COL11A1: variants seen among roughly 807,000 people sequenced by gnomAD.
COL11A1 encodes the protein collagen type XI alpha 1 chain.
Under a neutral mutation model 265.2 loss-of-function variants are expected in COL11A1, and 74 were observed. The ratio of observed to expected loss-of-function variants is 0.28; its 90% CI spans 0.23 to 0.34. COL11A1 has a LOEUF of 0.34. Ranked by LOEUF, COL11A1 falls within the 10% of genes least tolerant of loss-of-function variation. The pLI is 1.00. For missense variants in COL11A1, 2,165 were observed against 2,263.6 expected (o/e 0.96, Z 0.88); for synonymous variants, 816 against 727.6 (o/e 1.12, Z -1.96).
At chr1:103,021,584 A>T in intron 9 of COL11A1, 123 bp downstream of exon 9, 1 of 717,314 alleles carries the variant, frequency 1.4e-6, no homozygotes, top group South Asian at 1.5e-5. Flanking sequence ...TTTGTGGTGA[A>T]TTGCAAACAT....
intron 4 of COL11A1, among the ~76,000 whole-genome samples, chr1:103,032,441 G>GA (rs1176560224): frequency 4.6e-5 from 7 of 152,002 alleles, no homozygotes; most frequent in Admixed American, 4.6e-4. Context: ...TGTGGGTGTA[G>GA]AAACACATAT....
At chr1:102,885,256 CT>C (rs1557772930) in intron 63 of COL11A1, among the ~76,000 whole-genome samples, 2 of 152,004 alleles carry the variant, frequency 1.3e-5, no homozygotes, top group Non-Finnish European at 2.9e-5. Flanking sequence ...ATATTTTTCT[CT>C]TGTTAACCTT....
intron 42 of COL11A1, among the ~76,000 whole-genome samples, chr1:102,944,917 G>T (rs1293528380): frequency 6.6e-6 from 1 of 151,856 alleles, no homozygotes; most frequent in African/African-American, 2.4e-5. Flanking sequence ...TCTTCTCCTA[G>T]TACACAGTAC....
At chr1:102,990,758 C>T (rs577319668) in intron 28 of COL11A1, among the ~76,000 whole-genome samples, 147 of 152,164 alleles carry the variant, frequency 9.7e-4, no homozygotes, top group Non-Finnish European at 1.7e-3. Context: ...GTGGGCCAGG[C>T]ACAGTGGCTC....
rs1415207050 is a variant in COL11A1, at chr1:103,108,296, A to AG, written c.-119dup. The AG allele has an allele frequency of 9.1e-6, 7 of 770,990 alleles. No individual in the cohort carries two copies. In the East Asian group the frequency reaches 1.1e-4, roughly 12 times the overall value. 47.8% of individuals were successfully genotyped at this position (770,990 alleles called of 1,614,324 possible). A position where few individuals can be genotyped will look rare whatever the true frequency, so the allele number is the denominator to read the frequency against. The stretch of plus-strand genomic sequence containing the variant: ...TGCTACACAGCCATTGGGGAGGGAG[A>AG]GGGGGAAAAAGTCAAAGGGCTTTTT... On this transcript the variant is annotated 5_prime_UTR_variant, in exon 1 of 67. Coordinates refer to ENST00000370096, the MANE Select transcript of COL11A1 (RefSeq NM_001854.4).
chr1:103,007,866 CAA>C (rs34520764), intron 15 of COL11A1, among the ~76,000 whole-genome samples: 10 of 97,104 alleles, frequency 1.0e-4, no homozygotes, highest in South Asian at 7.4e-4. Context: ...GACTCTGTCT[CAA>C]AAAAAAAAAA....
At chr1:103,026,000 A>G in intron 6 of COL11A1, 2 of 1,563,928 alleles carry the variant, frequency 1.3e-6, no homozygotes, top group Non-Finnish European at 1.8e-6. Context: ...ATAAACGAGG[A>G]GGGAAATATA....
At chr1:102,896,761 C>A (rs1652488614) in intron 57 of COL11A1, among the ~76,000 whole-genome samples, 1 of 152,116 alleles carries the variant, frequency 6.6e-6, no homozygotes, top group African/African-American at 2.4e-5. Flanking sequence ...AAGGAAATCT[C>A]CAGCATGGTG....
Position 103,015,648 on chromosome 1 carries a change from T to A in COL11A1, c.1488+20A>T, listed in dbSNP as rs1345633022. On this transcript the variant is annotated intron_variant, in intron 12 of 66. Transcript: ENST00000370096. The stretch of plus-strand genomic sequence containing the variant: ...ATGACAAGATATCAAGTCATCTCTA[T>A]AACATAAAAAAGAACATACCGGTAA... 6.4e-7 allele frequency: 1 copy of A among 1,563,200 alleles called. No individual in the cohort carries two copies. The highest frequency in any genetic ancestry group is 2.3e-5 in the East Asian group (1 of 44,116).
Position 102,924,053 on chromosome 1 carries a change from C to CAAAA in COL11A1, c.3601-668_3601-665dup, listed in dbSNP as rs577410207. Reference sequence around the variant, plus strand: ...TGAAACCCCGTCTCAACTAAAAATACAAAAAAAAAAAAAAAAAATTAGCCG... The same window carrying CAAAA: ...TGAAACCCCGTCTCAACTAAAAATACAAAAAAAAAAAAAAAAAAAAAATTAGCCG... On this transcript the variant is annotated intron_variant, in intron 46 of 66. Coordinates refer to ENST00000370096, the MANE Select transcript of COL11A1 (RefSeq NM_001854.4). Among the ~76,000 whole-genome samples, 250 of 106,770 alleles carry CAAAA rather than the reference C, an allele frequency of 2.3e-3. 3 individuals carry two copies. Among genetic ancestry groups the CAAAA allele is most frequent in the African/African-American group, 6.4e-3 (208 of 32,400 alleles). The allele number at this position is 106,770 out of a possible 152,430, so 70.0% of individuals were successfully genotyped here. A position where few individuals can be genotyped will look rare whatever the true frequency, so the allele number is the denominator to read the frequency against.
At chr1:102,917,775 T>C (rs934470676) in intron 49 of COL11A1, among the ~76,000 whole-genome samples, 1 of 151,834 alleles carries the variant, frequency 6.6e-6, no homozygotes, top group Non-Finnish European at 1.5e-5. Flanking sequence ...AATTTATGTA[T>C]GTGCTTTCTA....
intron 28 of COL11A1, among the ~76,000 whole-genome samples, chr1:102,990,353 TCCATTAGATAAATG>T (rs1262488154): frequency 6.6e-6 from 1 of 151,916 alleles, no homozygotes; most frequent in African/African-American, 2.4e-5. Context: ...TAAAATCATG[TCCATTAGATAAATG>T]CCTTCTAGCT....
At position 102,967,227 on chromosome 1, in the gene COL11A1, C is replaced by T. The variant is rs1364525875; in HGVS notation, c.2863-1687G>A. ...CCCACAAAACCAAACATAATAAATT[C>T]TTTTTTTTTTTTTTTTTTTTTTTTT... On this transcript the variant is annotated intron_variant, in intron 37 of 66. Transcript: ENST00000370096. Among the ~76,000 whole-genome samples the T allele has an allele frequency of 8.6e-3, 455 of 52,692 alleles. 1 individual carries two copies. The highest frequency in any genetic ancestry group is 0.025 in the South Asian group (23 of 924). 34.6% of individuals were successfully genotyped at this position (52,692 alleles called of 152,430 possible). A position where few individuals can be genotyped will look rare whatever the true frequency, so the allele number is the denominator to read the frequency against.
intron 1 of COL11A1, among the ~76,000 whole-genome samples, chr1:103,102,385 C>T (rs1026695433): frequency 2.6e-5 from 4 of 151,988 alleles, no homozygotes; most frequent in Non-Finnish European, 5.9e-5. Flanking sequence ...GGGAACATTG[C>T]AACTTTTTAT....
chr1:102,982,590 A>T (rs1472298857), intron 31 of COL11A1, among the ~76,000 whole-genome samples: 1 of 152,086 alleles, frequency 6.6e-6, no homozygotes, highest in Non-Finnish European at 1.5e-5. Context: ...CAGTGTCCTG[A>T]GTACAGCCAG....
At chr1:103,035,989 A>G (rs1284595737) in intron 4 of COL11A1, among the ~76,000 whole-genome samples, 2 of 152,048 alleles carry the variant, frequency 1.3e-5, no homozygotes, top group African/African-American at 2.4e-5. Context: ...CTGAATTGTT[A>G]TAAATGAAAA....
At chr1:102,962,895 T>A in intron 38 of COL11A1, 135 bp from the exon 39 acceptor site, 1 of 774,270 alleles carries the variant, frequency 1.3e-6, no homozygotes, top group Non-Finnish European at 2.2e-6. Flanking sequence ...TACAAAACAC[T>A]TCACATAAAG....
At chr1:103,064,809 T>C (rs1670966020) in intron 4 of COL11A1, among the ~76,000 whole-genome samples, 2 of 150,000 alleles carry the variant, frequency 1.3e-5, no homozygotes, top group Admixed American at 6.6e-5. Context: ...TAATACATCC[T>C]GGAAAAGTCA....
intron 4 of COL11A1, among the ~76,000 whole-genome samples, chr1:103,041,381 T>C (rs1018937237): frequency 6.6e-6 from 1 of 151,832 alleles, no homozygotes; most frequent in African/African-American, 2.4e-5. Flanking sequence ...ATCATCCTTT[T>C]TTTTTGGTGC....
Sources: gnomAD v4.1 joint callset for allele counts (sites outside exome capture counted in the v4.1 genomes callset) on GRCh38, gnomAD v4.1.1 for gene constraint, MANE v1.5 for transcripts, NCBI Gene and HGNC (gene_info 2026-07-23, HGNC 2026-07-21) for gene names.